The following MRPL13 variants were observed in gnomAD, a reference collection of about 807,000 sequenced individuals.
MRPL13 encodes the protein mitochondrial ribosomal protein L13.
In MRPL13, 33 loss-of-function variants were observed where a neutral mutation model predicts 29.0. The observed-to-expected ratio is 1.14, with a 90% CI of 0.86 to 1.52. The LOEUF (loss-of-function observed/expected upper bound fraction) is 1.52, where lower values mean the gene tolerates loss of function less well. MRPL13 is among the 40% of genes most tolerant of loss of function. The probability of loss-of-function intolerance (pLI) is 0.00; values close to 1 mark genes in which losing one functional copy is unlikely to be tolerated. For missense variants in MRPL13, 227 were observed against 216.7 expected, an observed-to-expected ratio of 1.05 and a Z score of -0.30; for synonymous variants, 77 against 68.4, an observed-to-expected ratio of 1.13 and a Z score of -0.62.
Position 120,399,187 on chromosome 8 carries a change from T to C in MRPL13, c.516-3062A>G, listed in dbSNP as rs535345342. On this transcript the variant is annotated intron_variant, in intron 6 of 6. Coordinates refer to ENST00000306185, the MANE Select transcript of MRPL13 (RefSeq NM_014078.6). The stretch of plus-strand genomic sequence containing the variant: ...ATGAGAAAAGCAACTTCAAGACACA[T>C]AATCTTCAGATTCTCCAAGGTCAAA... Among the ~76,000 whole-genome samples the C allele has an allele frequency of 2.6e-5, 4 of 152,020 alleles. No homozygotes were observed. In the East Asian group the frequency reaches 7.7e-4, roughly 29 times the overall value.
intron 6 of MRPL13, among the ~76,000 whole-genome samples, chr8:120,401,681 G>A (rs1323575042): frequency 6.6e-6 from 1 of 152,020 alleles, no homozygotes; most frequent in Non-Finnish European, 1.5e-5. Flanking sequence ...ATAAATAAAA[G>A]GTATTCAAAT....
intron 2 of MRPL13, among the ~76,000 whole-genome samples, chr8:120,434,080 G>T (rs1813026351): frequency 6.6e-6 from 1 of 151,896 alleles, no homozygotes; most frequent in Non-Finnish European, 1.5e-5. Context: ...TCAATTAAAT[G>T]GCCAAATAAA....
At chr8:120,414,358 T>C (rs1586920987) in intron 5 of MRPL13, 1 of 243,448 alleles carries the variant, frequency 4.1e-6, no homozygotes, top group East Asian at 1.1e-4. Context: ...CTCTTTTCAA[T>C]TGCAAAAAGA....
Position 120,431,294 on chromosome 8 carries a change from T to C in MRPL13, c.245+736A>G, listed in dbSNP as rs576169257. On this transcript the variant is annotated intron_variant, in intron 3 of 6. Transcript: ENST00000306185. The stretch of plus-strand genomic sequence containing the variant: ...AGTATAGAAAGTACACTTAATTAAA[T>C]GTGCACATGACCTGAAGCTATGGGT... 1.0e-3 allele frequency among the ~76,000 whole-genome samples: 156 copies of C among 152,286 alleles called. 1 individual carries two copies. Among genetic ancestry groups the C allele is most frequent in the African/African-American group, 3.6e-3 (151 of 41,574 alleles).
Position 120,414,052 on chromosome 8 carries a change from G to A in MRPL13, c.454C>T (p.Pro152Ser). ...TGTGTGTACTCATCTAGACGTTTAG[G>A]TATTTTTCGTGGTTGAGGAAGCTCC... ...VEELPQPRKI[P>S]KRLDEYTQEE... Residue 152 changes from proline (P) to serine (S), a missense_variant, in exon 6 of 7, where the codon CCT becomes TCT. Transcript: ENST00000306185. 1 of 1,601,488 alleles carries A rather than the reference G, an allele frequency of 6.2e-7. No homozygotes were observed. Among genetic ancestry groups the A allele is most frequent in the Non-Finnish European group, 8.5e-7 (1 of 1,175,042 alleles).
At chr8:120,400,154 C>A (rs181260153) in intron 6 of MRPL13, among the ~76,000 whole-genome samples, 1 of 152,208 alleles carries the variant, frequency 6.6e-6, no homozygotes, top group Non-Finnish European at 1.5e-5. Context: ...ATCTACAGAA[C>A]TCTGCACCCC....
At chr8:120,436,563 A>G (rs1813057578) in intron 2 of MRPL13, among the ~76,000 whole-genome samples, 1 of 151,914 alleles carries the variant, frequency 6.6e-6, no homozygotes, top group Non-Finnish European at 1.5e-5. Flanking sequence ...TTTGTTGATG[A>G]TGTGGTTTGC....
intron 4 of MRPL13, 70 bp downstream of exon 4, chr8:120,425,236 G>C: frequency 7.6e-6 from 9 of 1,181,160 alleles, no homozygotes; most frequent in Non-Finnish European, 1.0e-5. Context: ...ATAATGAGAA[G>C]GGAGACTGAC....
intron 6 of MRPL13, among the ~76,000 whole-genome samples, chr8:120,402,918 T>TA (rs1442956948): frequency 1.3e-5 from 2 of 152,188 alleles, no homozygotes; most frequent in African/African-American, 4.8e-5. Flanking sequence ...CACTGATCAT[T>TA]AGAGAAATGC....
At chr8:120,442,560 CAGCAAATGCTGTT>C (rs1813136082) in intron 2 of MRPL13, among the ~76,000 whole-genome samples, 2 of 152,056 alleles carry the variant, frequency 1.3e-5, no homozygotes, top group Non-Finnish European at 2.9e-5. Context: ...TGATCAATTG[CAGCAAATGCTGTT>C]GACAAGTCAA....
chr8:120,408,298 A>T (rs1248569242), intron 6 of MRPL13, among the ~76,000 whole-genome samples: 1 of 152,228 alleles, frequency 6.6e-6, no homozygotes, highest in Non-Finnish European at 1.5e-5. Flanking sequence ...AGAAATTGCC[A>T]TTACATTCAA....
At chr8:120,424,632 G>C (rs1377404829) in intron 4 of MRPL13, among the ~76,000 whole-genome samples, 4 of 152,012 alleles carry the variant, frequency 2.6e-5, no homozygotes, top group African/African-American at 9.7e-5. Flanking sequence ...AGGGTGTGGT[G>C]GTGTGTACCT....
At chr8:120,418,241 T>C (rs866788733) in intron 5 of MRPL13, among the ~76,000 whole-genome samples, 1 of 152,136 alleles carries the variant, frequency 6.6e-6, no homozygotes, top group Non-Finnish European at 1.5e-5. Context: ...GTCATTCTTT[T>C]TTTAAAAAAT....
chr8:120,429,388 G>C (rs1008264996), intron 3 of MRPL13, among the ~76,000 whole-genome samples: 6 of 151,578 alleles, frequency 4.0e-5, no homozygotes, highest in Non-Finnish European at 7.4e-5. Context: ...ATAACTAATG[G>C]GTACTGGGCT....
chr8:120,428,414 C>A (rs1812957566), intron 3 of MRPL13, among the ~76,000 whole-genome samples: 1 of 152,088 alleles, frequency 6.6e-6, no homozygotes, highest in Non-Finnish European at 1.5e-5. Context: ...TAGGCAATAT[C>A]ATTAAGAACA....
chr8:120,427,076 G>C (rs1812938453), intron 3 of MRPL13, among the ~76,000 whole-genome samples: 1 of 151,828 alleles, frequency 6.6e-6, no homozygotes, highest in Non-Finnish European at 1.5e-5. Context: ...CAAAGGAAAA[G>C]GCATGTAATA....
Position 120,439,515 on chromosome 8 carries a change from C to T in MRPL13, c.151+3670G>A, listed in dbSNP as rs543950583. 6.6e-5 allele frequency among the ~76,000 whole-genome samples: 10 copies of T among 152,256 alleles called. No individual in the cohort carries two copies. In the South Asian group the frequency reaches 8.3e-4, roughly 13 times the overall value. ...CCAGAGGTTCAGAGGAACCTAACTCCGTATTTCCCCCCAGAAGCAATGGTT... is the reference window on the plus strand; with the variant it reads ...CCAGAGGTTCAGAGGAACCTAACTCTGTATTTCCCCCCAGAAGCAATGGTT... On this transcript the variant is annotated intron_variant, in intron 2 of 6. Transcript: ENST00000306185.
At chr8:120,428,139 A>C (rs1250618358) in intron 3 of MRPL13, among the ~76,000 whole-genome samples, 8 of 149,282 alleles carry the variant, frequency 5.4e-5, no homozygotes, top group African/African-American at 9.8e-5. Flanking sequence ...AAAAAAAAAA[A>C]AAAAAAAACC....
chr8:120,429,567 T>C (rs773661082), intron 3 of MRPL13, among the ~76,000 whole-genome samples: 40 of 152,006 alleles, frequency 2.6e-4, no homozygotes, highest in Non-Finnish European at 4.1e-4. Flanking sequence ...AAAATTTTCA[T>C]TTCAAAAAAC....
Sources: allele counts gnomAD v4.1 joint callset (sites outside exome capture counted in the v4.1 genomes callset), GRCh38; gene constraint gnomAD v4.1.1; transcripts MANE v1.5; gene names NCBI Gene and HGNC (gene_info 2026-07-23, HGNC 2026-07-21).